The following FNDC3B variants were observed in gnomAD, a reference collection of about 807,000 sequenced individuals.
FNDC3B encodes fibronectin type III domain-containing protein 3B.
Under a neutral mutation model 151.5 loss-of-function variants are expected in FNDC3B, and 12 were observed. The observed-to-expected ratio is 0.08, with a 90% CI of 0.05 to 0.13. FNDC3B has a LOEUF of 0.13. Ranked by LOEUF, FNDC3B falls within the 10% of genes least tolerant of loss-of-function variation. The pLI is 1.00. For synonymous variants in FNDC3B, 528 were observed against 549.0 expected, an observed-to-expected ratio of 0.96 and a Z score of 0.54; for missense variants, 1,214 against 1,505.3, an observed-to-expected ratio of 0.81 and a Z score of 3.20.
intron 7 of FNDC3B, among the ~76,000 whole-genome samples, chr3:172,286,388 T>C (rs990225970): frequency 6.6e-6 from 1 of 152,188 alleles, no homozygotes; most frequent in African/African-American, 2.4e-5. Context: ...TATTTAAATA[T>C]TAGCTGTGAA....
rs71179981 is a variant in FNDC3B at position 172,239,856 on chromosome 3, CTTTTTTTTTTTTTTTTT to C, written c.265-7663_265-7647del. Among the ~76,000 whole-genome samples the C allele has an allele frequency of 9.4e-4, 47 of 49,932 alleles. No individual in the cohort carries two copies. The Middle Eastern group carries it at 0.068, about 72-fold the overall frequency. 32.8% of individuals were successfully genotyped at this position (49,932 alleles called of 152,430 possible). A position where few individuals can be genotyped will look rare whatever the true frequency, so the allele number is the denominator to read the frequency against. Reference sequence around the variant, plus strand: ...TGTTTTTAGGAGATCCATTTTAGTTCTTTTTTTTTTTTTTTTTTTTTTTTTTTTTTGGGATGGAGTCT... The same window carrying C: ...TGTTTTTAGGAGATCCATTTTAGTTCTTTTTTTTTTTTTGGGATGGAGTCT... On this transcript the variant is annotated intron_variant, in intron 4 of 25. Transcript: ENST00000415807.
At chr3:172,120,100 T>C (rs1412709771) in intron 2 of FNDC3B, among the ~76,000 whole-genome samples, 2 of 152,230 alleles carry the variant, frequency 1.3e-5, no homozygotes, top group East Asian at 3.8e-4. Context: ...GGTGTTGTTA[T>C]ATGTGGCACC....
intron 1 of FNDC3B, among the ~76,000 whole-genome samples, chr3:172,108,839 T>C (rs560235760): frequency 5.3e-5 from 8 of 152,252 alleles, no homozygotes; most frequent in Admixed American, 5.2e-4. Flanking sequence ...CCTCCTTGCC[T>C]TTTCTCTAGT....
At chr3:172,246,691 G>A (rs545746934) in intron 4 of FNDC3B, among the ~76,000 whole-genome samples, 12 of 152,314 alleles carry the variant, frequency 7.9e-5, no homozygotes, top group Non-Finnish European at 1.5e-4. Context: ...CAAGGCTGTA[G>A]TGTATGATGA....
At chr3:172,073,182 T>C (rs1717862357) in intron 1 of FNDC3B, among the ~76,000 whole-genome samples, 1 of 152,216 alleles carries the variant, frequency 6.6e-6, no homozygotes, top group Admixed American at 6.5e-5. Context: ...TGCAGTACTA[T>C]AGCCAGGTGC....
At chr3:172,185,695 A>G (rs966836032) in intron 3 of FNDC3B, among the ~76,000 whole-genome samples, 4 of 152,244 alleles carry the variant, frequency 2.6e-5, no homozygotes, top group Non-Finnish European at 5.9e-5. Flanking sequence ...TATCATAGGA[A>G]AATTTACTGT....
chr3:172,331,137 C>T (rs1052070444), intron 13 of FNDC3B, among the ~76,000 whole-genome samples: 2 of 152,152 alleles, frequency 1.3e-5, no homozygotes, highest in African/African-American at 4.8e-5. Context: ...AGTCTGTTCT[C>T]CATACAGAGC....
intron 1 of FNDC3B, among the ~76,000 whole-genome samples, chr3:172,087,923 A>C (rs191513941): frequency 1.3e-3 from 199 of 152,332 alleles, no homozygotes; most frequent in Non-Finnish European, 2.0e-3. Context: ...ATGCAAGAGA[A>C]GATAGTCCAC....
Position 172,397,344 on chromosome 3 carries a change from G to A in FNDC3B, c.3484G>A (p.Gly1162Arg), listed in dbSNP as rs756431775. ...TGAGGTCATGCTTACAGGGGACATG[G>A]GGAGCTTAGATGATCCCAAAATGAA... ...RSEVMLTGDM[G>R]SLDDPKMKSM... Residue 1162 changes from glycine (G) to arginine (R), a missense_variant, in exon 26 of 26, where the codon GGG (glycine) becomes AGG (arginine). This residue lies in a region of FNDC3B where 284 missense variants were observed against 392.4 expected (regional missense o/e 0.72). Transcript: ENST00000415807. 4 of 1,614,002 alleles carry A rather than the reference G, an allele frequency of 2.5e-6. No individual in the cohort carries two copies. Among genetic ancestry groups the A allele is most frequent in the African/African-American group, 2.7e-5 (2 of 74,914 alleles).
intron 3 of FNDC3B, among the ~76,000 whole-genome samples, chr3:172,220,169 G>C (rs201883483): frequency 1.1e-4 from 1 of 8,768 alleles, no homozygotes; most frequent in Admixed American, 7.4e-4. Flanking sequence ...GTTATTTTCT[G>C]TGTGTGTGTG....
At chr3:172,389,028 C>G (rs1735872101) in intron 25 of FNDC3B, among the ~76,000 whole-genome samples, 1 of 152,130 alleles carries the variant, frequency 6.6e-6, no homozygotes, top group Non-Finnish European at 1.5e-5. Context: ...AAGGATGTTA[C>G]CTTCAAGGGA....
chr3:172,222,353 G>T (rs1017624014), intron 3 of FNDC3B, among the ~76,000 whole-genome samples: 1 of 152,094 alleles, frequency 6.6e-6, no homozygotes, highest in African/African-American at 2.4e-5. Flanking sequence ...ATGATGATTT[G>T]TACCCTGGAT....
At chr3:172,173,518 G>A (rs1723384069) in intron 3 of FNDC3B, among the ~76,000 whole-genome samples, 1 of 151,826 alleles carries the variant, frequency 6.6e-6, no homozygotes, top group African/African-American at 2.4e-5. Context: ...CTGTAGGCAT[G>A]GTGTGGTGGC....
intron 3 of FNDC3B, among the ~76,000 whole-genome samples, chr3:172,159,096 T>C (rs1227014714): frequency 6.6e-6 from 1 of 152,122 alleles, no homozygotes; most frequent in African/African-American, 2.4e-5. Context: ...TTGAACAACA[T>C]GGTGAAACCC....
intron 3 of FNDC3B, among the ~76,000 whole-genome samples, chr3:172,171,120 G>C (rs1271396645): frequency 2.0e-5 from 3 of 152,168 alleles, no homozygotes; most frequent in Admixed American, 6.5e-5. Flanking sequence ...TACAGAAATG[G>C]AAAGTGGAGG....
chr3:172,254,126 A>G (rs1728218998), intron 6 of FNDC3B, among the ~76,000 whole-genome samples: 1 of 152,356 alleles, frequency 6.6e-6, no homozygotes, highest in African/African-American at 2.4e-5. Flanking sequence ...AAATCTTTAA[A>G]AAAAGACTAA....
chr3:172,111,643 G>T (rs1719974816), intron 1 of FNDC3B, among the ~76,000 whole-genome samples: 1 of 152,106 alleles, frequency 6.6e-6, no homozygotes, highest in Non-Finnish European at 1.5e-5. Context: ...GGGAGGAGAG[G>T]TATGCTTGAC....
At chr3:172,121,199 A>G (rs1488444494) in intron 2 of FNDC3B, among the ~76,000 whole-genome samples, 2 of 152,212 alleles carry the variant, frequency 1.3e-5, no homozygotes, top group African/African-American at 4.8e-5. Flanking sequence ...TCTTGTGCTC[A>G]TGCATATCAT....
chr3:172,200,244 G>A (rs915934564), intron 3 of FNDC3B, among the ~76,000 whole-genome samples: 4 of 152,204 alleles, frequency 2.6e-5, no homozygotes, highest in Non-Finnish European at 4.4e-5. Flanking sequence ...GGAGTACCTA[G>A]AGAAAACCCA....
Sources: gnomAD v4.1 joint callset for allele counts (sites outside exome capture counted in the v4.1 genomes callset) on GRCh38, gnomAD v4.1.1 for gene constraint, gnomAD v4.1.1 regional missense constraint, MANE v1.5 for transcripts, NCBI Gene and HGNC (gene_info 2026-07-23, HGNC 2026-07-21) for gene names.